Variants in ATG16L2 observed in about 807,000 individuals in gnomAD.
ATG16L2 encodes autophagy related 16 like 2.
A neutral mutation model predicts 84.7 loss-of-function variants in ATG16L2; 77 were observed. That is an observed-to-expected ratio of 0.91 (90% CI 0.76 to 1.10). The LOEUF (loss-of-function observed/expected upper bound fraction) is 1.10, where lower values mean the gene tolerates loss of function less well. Ranked by LOEUF, ATG16L2 falls within the 50% of genes least tolerant of loss-of-function variation. The pLI is 0.00. For missense variants in ATG16L2, 782 were observed against 817.6 expected (o/e 0.96, Z 0.53); for synonymous variants, 361 against 342.8 (o/e 1.05, Z -0.59).
At chr11:72,817,222 A>G (rs1359621603) in intron 2 of ATG16L2, among the ~76,000 whole-genome samples, 1 of 151,118 alleles carries the variant, frequency 6.6e-6, no homozygotes, top group Non-Finnish European at 1.5e-5. Context: ...GTTGGGGCTC[A>G]GAGTTGGGAG....
At chr11:72,828,325 G>GT (rs770709340) in intron 14 of ATG16L2, 34 bp from the exon 15 acceptor site, 2 of 1,613,044 alleles carry the variant, frequency 1.2e-6, no homozygotes, top group East Asian at 4.5e-5. Flanking sequence ...TGGCTAGGCT[G>GT]TTCCTCATCC....
intron 9 of ATG16L2, 114 bp downstream of exon 9, chr11:72,824,956 T>TGCTGAGGAGCC: frequency 2.4e-6 from 2 of 847,712 alleles, no homozygotes; most frequent in Non-Finnish European, 3.6e-6. Context: ...GCTGGGCTCC[T>TGCTGAGGAGCC]CAGCAGGAGC....
rs1591303850 is a variant in ATG16L2, at chr11:72,822,680, C to A, written c.710+137C>A. 1 of 1,203,434 alleles carries A rather than the reference C, an allele frequency of 8.3e-7. No homozygotes were observed. Among genetic ancestry groups the A allele is most frequent in the South Asian group, 1.4e-5 (1 of 70,898 alleles). 74.5% of individuals were successfully genotyped at this position (1,203,434 alleles called of 1,614,324 possible). A position where few individuals can be genotyped will look rare whatever the true frequency, so the allele number is the denominator to read the frequency against. The stretch of plus-strand genomic sequence containing the variant: ...CATGTGGTCGGAGCCCACGAGACAC[C>A]TGCAGAGGACCGTGTGGTCGTAGGA... On this transcript the variant is annotated intron_variant, in intron 6 of 17. Coordinates refer to ENST00000321297, the MANE Select transcript of ATG16L2 (RefSeq NM_033388.2). The surrounding 1 kb of genome is among the most constrained non-coding windows in gnomAD (Gnocchi z 4.2).
intron 1 of ATG16L2, 71 bp from the exon 2 acceptor site, chr11:72,816,657 A>G: frequency 7.9e-7 from 1 of 1,271,792 alleles, no homozygotes; most frequent in Non-Finnish European, 1.1e-6. Flanking sequence ...TTTTAGCCGG[A>G]GATAAATTGC....
chr11:72,837,208 A>G (rs1336072815), intron 5 of ATG16L2: 1 of 152,430 alleles, frequency 6.6e-6, no homozygotes, highest in Non-Finnish European at 1.5e-5. Context: ...CCTCAAATAG[A>G]TCAACAGGTT....
chr11:72,839,307 GA>G (rs1410167425), intron 5 of ATG16L2, among the ~76,000 whole-genome samples: 1 of 152,160 alleles, frequency 6.6e-6, no homozygotes, highest in East Asian at 1.9e-4. Flanking sequence ...TCTGCTTTAA[GA>G]AGAAAAAAAT....
At chr11:72,823,946 C>T in intron 7 of ATG16L2, 114 bp from the exon 8 acceptor site, 1 of 1,183,278 alleles carries the variant, frequency 8.5e-7, no homozygotes, top group South Asian at 1.2e-5. Flanking sequence ...GTTCTTATCC[C>T]AGACTTGAGA....
At chr11:72,819,678 A>G (rs992082872) in intron 3 of ATG16L2, among the ~76,000 whole-genome samples, 14 of 151,918 alleles carry the variant, frequency 9.2e-5, no homozygotes, top group Admixed American at 7.9e-4. Context: ...ACTCCTTCCC[A>G]GGACACACAC....
chr11:72,821,524 G>T (rs1864651), intron 3 of ATG16L2, 144 bp from the exon 4 acceptor site: 1,434,026 of 1,446,750 alleles, frequency 0.99, 711,559 homozygotes, highest in East Asian at 1. Context: ...CCTGTGCAAG[G>T]TCCCAAACCT....
Position 72,826,637 on chromosome 11 carries a change from A to G in ATG16L2, c.1245+48A>G, listed in dbSNP as rs371530362. On this transcript the variant is annotated intron_variant, in intron 12 of 17. Transcript: ENST00000321297. ...GCCTGGAGGTCAGAGGTCATACCTC[A>G]GGACTAGGGGGCCTGTTATGGGGTC... 47 of 1,613,992 alleles carry G rather than the reference A, an allele frequency of 2.9e-5. No homozygotes were observed. In the Middle Eastern group the frequency reaches 6.6e-4, roughly 23 times the overall value.
chr11:72,836,865 G>A (rs1178239381), intron 5 of ATG16L2: 2 of 152,490 alleles, frequency 1.3e-5, no homozygotes. Flanking sequence ...GTGCACTGTG[G>A]TGCTGGATTC....
chr11:72,815,924 T>A (rs141553336), intron 1 of ATG16L2: 1 of 152,166 alleles, frequency 6.6e-6, no homozygotes, highest in African/African-American at 2.4e-5. Flanking sequence ...GCTCAAGGAC[T>A]TTCTATTCTG....
Position 72,822,334 on chromosome 11 carries a change from C to A in ATG16L2, c.644+39C>A. On this transcript the variant is annotated intron_variant, in intron 5 of 17. Transcript: ENST00000321297. The surrounding 1 kb of genome is among the most constrained non-coding windows in gnomAD (Gnocchi z 4.2). ...CCCCGCCCCTCCTGAGGAAAGGCCCCGCCCCTGCAGGGAGGAGTCGGGCCT... is the reference window on the plus strand; with the variant it reads ...CCCCGCCCCTCCTGAGGAAAGGCCCAGCCCCTGCAGGGAGGAGTCGGGCCT... 3 of 1,532,914 alleles carry A rather than the reference C, an allele frequency of 2.0e-6. No individual in the cohort carries two copies. The highest frequency in any genetic ancestry group is 2.6e-6 in the Non-Finnish European group (3 of 1,143,360). The allele number at this position is 1,532,914 out of a possible 1,614,324, so 95.0% of individuals were successfully genotyped here. A position where few individuals can be genotyped will look rare whatever the true frequency, so the allele number is the denominator to read the frequency against.
At chr11:72,829,035 T>G (rs1232367171) in intron 17 of ATG16L2, 51 bp downstream of exon 17, 3 of 1,566,040 alleles carry the variant, frequency 1.9e-6, no homozygotes, top group Non-Finnish European at 2.6e-6. Flanking sequence ...CCTGCCAGGC[T>G]GATTCCAGGT....
chr11:72,820,040 C>T (rs941998104), intron 3 of ATG16L2: 8 of 152,170 alleles, frequency 5.3e-5, no homozygotes, highest in East Asian at 1.9e-4. Flanking sequence ...CCACGGCACC[C>T]GGCCTTTTCT....
At chr11:72,824,013 C>T (rs1211463901) in intron 7 of ATG16L2, 47 bp from the exon 8 acceptor site, 1 of 1,604,884 alleles carries the variant, frequency 6.2e-7, no homozygotes, top group Non-Finnish European at 8.5e-7. Context: ...GCCATTTGTA[C>T]ACACACCAGC....
At chr11:72,829,687 A>G (rs1353502435), downstream of ATG16L2, 5 of 1,097,936 alleles carry the variant, frequency 4.6e-6, no homozygotes, top group Non-Finnish European at 5.6e-6. Flanking sequence ...CCTTTGGGCT[A>G]GTGGGCTCTG....
Position 72,814,477 on chromosome 11 carries a change from C to T in ATG16L2, c.32C>T (p.Ala11Val), listed in dbSNP as rs1859588057. Residue 11 changes from alanine to valine, a missense_variant, in exon 1 of 18, where the codon GCA becomes GTA. Ala to Val is a moderately conservative substitution (Grantham distance 64). Coordinates refer to ENST00000321297, the MANE Select transcript of ATG16L2 (RefSeq NM_033388.2). The stretch of plus-strand genomic sequence containing the variant: ...GGGCCGGGCGTCCCCGGTGCCCCCG[C>T]AGCGCGCTGGAAACGCCACATCGTG... MAGPGVPGAP[A>V]ARWKRHIVRQ... 2.0e-6 allele frequency: 3 copies of T among 1,520,844 alleles called. No homozygotes were observed. The highest frequency in any genetic ancestry group is 2.7e-6 in the Non-Finnish European group (3 of 1,130,338). 94.2% of individuals were successfully genotyped at this position (1,520,844 alleles called of 1,614,324 possible).
chr11:72,815,945 A>G (rs987440572), intron 1 of ATG16L2: 2 of 152,186 alleles, frequency 1.3e-5, no homozygotes, highest in Non-Finnish European at 2.9e-5. Flanking sequence ...GCCTGGGGGT[A>G]CCTTACACCA....
Sources: allele counts gnomAD v4.1 joint callset (sites outside exome capture counted in the v4.1 genomes callset), GRCh38; gene constraint gnomAD v4.1.1; non-coding constraint Gnocchi (gnomAD v3.1); transcripts MANE v1.5; gene names NCBI Gene and HGNC (gene_info 2026-07-23, HGNC 2026-07-21).